Variants in PLCG2 observed in about 807,000 individuals in gnomAD.
The protein encoded by PLCG2 is phospholipase C gamma 2.
PLCG2 carries 69 observed loss-of-function variants against 175.6 expected under a neutral mutation model. The ratio of observed to expected loss-of-function variants is 0.39; its 90% confidence interval spans 0.32 to 0.48. PLCG2 has a LOEUF of 0.48. Ranked by LOEUF, PLCG2 falls within the 20% of genes least tolerant of loss-of-function variation. The pLI is 0.91. For missense variants in PLCG2, 1,798 were observed against 1,650.9 expected (o/e 1.09, Z -1.54); for synonymous variants, 827 against 624.0 (o/e 1.33, Z -4.85).
chr16:81,940,107 T>A (rs1363902848), intron 30 of PLCG2, 48 bp downstream of exon 30: 1 of 1,504,038 alleles, frequency 6.6e-7, no homozygotes, highest in East Asian at 2.3e-5. Flanking sequence ...GGCGTTGTAC[T>A]TTGGTTTGGC....
chr16:81,862,663 A>T (rs575578963), intron 5 of PLCG2, among the ~76,000 whole-genome samples: 1 of 152,256 alleles, frequency 6.6e-6, no homozygotes, highest in Admixed American at 6.5e-5. Flanking sequence ...TGAGCTCAGG[A>T]GTTGGAGACC....
At chr16:81,783,457 C>T (rs1466311935) in intron 1 of PLCG2, among the ~76,000 whole-genome samples, 1 of 152,202 alleles carries the variant, frequency 6.6e-6, no homozygotes, top group Non-Finnish European at 1.5e-5. Context: ...AGTCCCTTAA[C>T]CTCTTTTGAG....
intron 1 of PLCG2, among the ~76,000 whole-genome samples, chr16:81,752,123 C>T (rs1265907770): frequency 6.6e-6 from 1 of 152,160 alleles, no homozygotes; most frequent in Non-Finnish European, 1.5e-5. Flanking sequence ...CCCCGTCTAT[C>T]ACGTATGAAC....
intron 13 of PLCG2, 38 bp from the exon 14 acceptor site, chr16:81,900,574 C>G: frequency 1.9e-6 from 3 of 1,548,888 alleles, no homozygotes; most frequent in Non-Finnish European, 2.6e-6. Context: ...GAGGTGTGTG[C>G]TCCCCCTGCC....
At chr16:81,911,509 C>T (rs1909620142) in intron 18 of PLCG2, among the ~76,000 whole-genome samples, 1 of 152,248 alleles carries the variant, frequency 6.6e-6, no homozygotes, top group South Asian at 2.1e-4. Context: ...ACAATCACGT[C>T]TCGCAGCAGC....
chr16:81,762,841 T>A (rs562883384), intron 2 of PLCG2, among the ~76,000 whole-genome samples: 1 of 152,310 alleles, frequency 6.6e-6, no homozygotes, highest in East Asian at 1.9e-4. Context: ...GAGGATCACT[T>A]GAGGCCAGGA....
At chr16:81,766,780 G>C (rs1187930319) in intron 2 of PLCG2, 1 of 152,204 alleles carries the variant, frequency 6.6e-6, no homozygotes, top group Admixed American at 6.5e-5. Context: ...TGGAGTGACA[G>C]ATGTCTCAGC....
At chr16:81,853,417 C>A (rs1464953786) in intron 2 of PLCG2, among the ~76,000 whole-genome samples, 2 of 151,994 alleles carry the variant, frequency 1.3e-5, no homozygotes, top group Non-Finnish European at 2.9e-5. Context: ...GTGCTCCTAA[C>A]CTTTTTGGTA....
intron 4 of PLCG2, 59 bp downstream of exon 4, chr16:81,858,415 T>A: frequency 8.3e-7 from 1 of 1,205,058 alleles, no homozygotes; most frequent in Non-Finnish European, 1.2e-6. Flanking sequence ...CTGCTGCCTT[T>A]AGCCAACATG....
chr16:81,806,129 T>G (rs916580809), intron 2 of PLCG2, among the ~76,000 whole-genome samples: 2 of 110,142 alleles, frequency 1.8e-5, no homozygotes, highest in East Asian at 4.0e-4. Context: ...CCAGTGTGTG[T>G]TTTATACCTA....
intron 2 of PLCG2, among the ~76,000 whole-genome samples, chr16:81,759,646 A>T (rs1365834763): frequency 6.6e-6 from 1 of 152,164 alleles, no homozygotes; most frequent in Non-Finnish European, 1.5e-5. Context: ...CTGTCATCCA[A>T]ACTCCTCCTA....
At chr16:81,915,008 C>T (rs1909783516) in intron 19 of PLCG2, among the ~76,000 whole-genome samples, 1 of 152,244 alleles carries the variant, frequency 6.6e-6, no homozygotes. Context: ...AATAACATCC[C>T]TGCCCCAGGA....
At chr16:81,809,309 G>C (rs1226546441) in intron 2 of PLCG2, among the ~76,000 whole-genome samples, 1 of 152,072 alleles carries the variant, frequency 6.6e-6, no homozygotes, top group African/African-American at 2.4e-5. Context: ...TGCCTCCAGG[G>C]GTGGCATGGC....
chr16:81,895,232 C>T (rs1453872915), intron 12 of PLCG2, among the ~76,000 whole-genome samples: 1 of 152,164 alleles, frequency 6.6e-6, no homozygotes, highest in Admixed American at 6.5e-5. Context: ...CAGGTAAAGT[C>T]AGAAAATAAA....
intron 9 of PLCG2, 123 bp downstream of exon 9, chr16:81,883,464 C>A: frequency 1.4e-6 from 1 of 702,786 alleles, no homozygotes; most frequent in Non-Finnish European, 2.5e-6. Flanking sequence ...CTGTGCTCAC[C>A]TGGCCACCTG....
intron 5 of PLCG2, among the ~76,000 whole-genome samples, chr16:81,861,910 G>A (rs868424744): frequency 2.0e-5 from 3 of 152,306 alleles, no homozygotes; most frequent in African/African-American, 7.2e-5. Flanking sequence ...AGGACCCTCT[G>A]CAGAGAGAAA....
Position 81,893,696 on chromosome 16 carries a change from T to C in PLCG2, c.987-13T>C. The C allele has an allele frequency of 1.3e-6, 2 of 1,585,116 alleles. No individual in the cohort carries two copies. The highest frequency in any genetic ancestry group is 1.7e-6 in the Non-Finnish European group (2 of 1,155,416). ...TGCCACTCTCACACGGCCACCTGCCTTCTCTCCTGCAGGTACCTTACAGGT... is the reference window on the plus strand; with the variant it reads ...TGCCACTCTCACACGGCCACCTGCCCTCTCTCCTGCAGGTACCTTACAGGT... On this transcript the variant is annotated splice_polypyrimidine_tract_variant and intron_variant, in intron 11 of 32. Coordinates refer to ENST00000564138, the MANE Select transcript of PLCG2 (RefSeq NM_002661.5).
intron 31 of PLCG2, among the ~76,000 whole-genome samples, chr16:81,953,904 C>G (rs558069266): frequency 3.3e-5 from 5 of 152,086 alleles, no homozygotes; most frequent in African/African-American, 9.7e-5. Context: ...TTTGAACTTG[C>G]GCCCGAATAA....
At chr16:81,876,972 CT>C (rs1355680909) in intron 7 of PLCG2, among the ~76,000 whole-genome samples, 1 of 152,122 alleles carries the variant, frequency 6.6e-6, no homozygotes, top group Non-Finnish European at 1.5e-5. Flanking sequence ...AATTCTGGCC[CT>C]TGGACTTGTT....
Sources: gnomAD v4.1 joint callset for allele counts (sites outside exome capture counted in the v4.1 genomes callset) on GRCh38, gnomAD v4.1.1 for gene constraint, MANE v1.5 for transcripts, NCBI Gene and HGNC (gene_info 2026-07-23, HGNC 2026-07-21) for gene names.